RABL2A: variants seen among roughly 807,000 people sequenced by gnomAD.
The protein encoded by RABL2A is RAB, member of RAS oncogene family like 2A, also known as rab-like protein 2A.
Under a neutral mutation model 30.7 loss-of-function variants are expected in RABL2A, and 17 were observed. The ratio of observed to expected loss-of-function variants is 0.55; its 90% CI spans 0.38 to 0.83. RABL2A has a LOEUF of 0.83. Ranked by LOEUF, RABL2A falls within the 40% of genes least tolerant of loss-of-function variation. The pLI, the probability that RABL2A is intolerant of heterozygous loss-of-function variation, is 0.00. For missense variants in RABL2A, 155 were observed against 272.6 expected (o/e 0.57, Z 3.04); for synonymous variants, 64 against 101.8 (o/e 0.63, Z 2.24).
intron 2 of RABL2A, among the ~76,000 whole-genome samples, chr2:113,632,233 G>A (rs1680655684): frequency 6.6e-6 from 1 of 152,248 alleles, no homozygotes; most frequent in East Asian, 1.9e-4. Flanking sequence ...ATGGCCAGTG[G>A]CTAGAACAGA....
chr2:113,634,374 C>T (rs1224450284), intron 4 of RABL2A, 142 bp downstream of exon 4: 44 of 1,014,068 alleles, frequency 4.3e-5, no homozygotes, highest in Non-Finnish European at 6.2e-5. Context: ...CTAGAGAGAA[C>T]CCAGAGAGCC....
chr2:113,639,059 G>A (rs1684059673), intron 5 of RABL2A, among the ~76,000 whole-genome samples: 1 of 152,188 alleles, frequency 6.6e-6, no homozygotes, highest in Admixed American at 6.6e-5. Context: ...GAGGCAGGAG[G>A]ATCACTTGAG....
intron 3 of RABL2A, chr2:113,633,946 C>G: frequency 8.7e-7 from 1 of 1,147,812 alleles, no homozygotes; most frequent in Non-Finnish European, 1.2e-6. Flanking sequence ...ACACTCTCAT[C>G]TCCTCCCACC....
At position 113,635,103 on chromosome 2, in the gene RABL2A, C is replaced by T; in HGVS notation, c.270C>T (p.Tyr90=). Residue 90 remains tyrosine (Y), a synonymous_variant, in exon 5 of 9, where the codon TAC becomes TAT. Coordinates refer to ENST00000683472, the MANE Select transcript of RABL2A (RefSeq NM_001306158.2). ...QERFQSMHAS[Y]YHKAHACIMV... is the part of the protein sequence containing the mutation. ...GGTTCCAGAGCATGCATGCCTCCTACTACCACAAGGCCCATGCCTGCATCA... is the reference window on the plus strand; with the variant it reads ...GGTTCCAGAGCATGCATGCCTCCTATTACCACAAGGCCCATGCCTGCATCA... 1.2e-6 allele frequency: 2 copies of T among 1,614,212 alleles called. No individual in the cohort carries two copies. Among genetic ancestry groups the T allele is most frequent in the Middle Eastern group, 3.3e-4 (2 of 6,062 alleles).
rs1685551022 is a variant in RABL2A at position 113,642,524 on chromosome 2, G to A, written c.*395G>A. 1 of 285,306 alleles carries A rather than the reference G, an allele frequency of 3.5e-6. No individual in the cohort carries two copies. Among genetic ancestry groups the A allele is most frequent in the Non-Finnish European group, 6.8e-6 (1 of 147,762 alleles). The allele number at this position is 285,306 out of a possible 1,614,324, so 17.7% of individuals were successfully genotyped here. A position where few individuals can be genotyped will look rare whatever the true frequency, so the allele number is the denominator to read the frequency against. ...GCTCACCTCGGGGACAATTCCTTGG[G>A]CTTCTCCTGAGGTAATGATTACCCC... On this transcript the variant is annotated 3_prime_UTR_variant, in exon 9 of 9. Coordinates refer to ENST00000683472, the MANE Select transcript of RABL2A (RefSeq NM_001306158.2).
At chr2:113,641,569 G>A in intron 7 of RABL2A, 119 bp downstream of exon 7, 1 of 1,605,758 alleles carries the variant, frequency 6.2e-7, no homozygotes, top group East Asian at 2.2e-5. Context: ...CATGGGCCTG[G>A]GTGGCAGGGA....
chr2:113,641,297 C>A (rs1201754037), intron 6 of RABL2A, 56 bp from the exon 7 acceptor site: 9 of 1,611,726 alleles, frequency 5.6e-6, no homozygotes, highest in African/African-American at 5.3e-5. Flanking sequence ...AGTGGCCCCC[C>A]CTCCAAACCT....
rs1378310035 is a variant in RABL2A, at chr2:113,627,353, C to G, written c.-101C>G. The G allele has an allele frequency of 2.1e-5, 3 of 140,698 alleles. No homozygotes were observed. Among genetic ancestry groups the G allele is most frequent in the African/African-American group, 8.7e-5 (3 of 34,672 alleles). 8.7% of individuals were successfully genotyped at this position (140,698 alleles called of 1,614,324 possible). Reference sequence around the variant, plus strand: ...CAGACTGGCGGCAGGGCCCGAGGGGCCGACCCGCAGCGTCCCTGGTCTCTC... The same window carrying G: ...CAGACTGGCGGCAGGGCCCGAGGGGGCGACCCGCAGCGTCCCTGGTCTCTC... On this transcript the variant is annotated 5_prime_UTR_variant, in exon 1 of 9. Coordinates refer to ENST00000683472, the MANE Select transcript of RABL2A (RefSeq NM_001306158.2).
intron 2 of RABL2A, 99 bp downstream of exon 2, chr2:113,628,812 G>A: frequency 2.0e-6 from 2 of 979,158 alleles, no homozygotes; most frequent in Non-Finnish European, 3.1e-6. Context: ...CTTGGGGCTG[G>A]TGAAGGAGCA....
chr2:113,638,937 AAAGT>A (rs1326904330), intron 5 of RABL2A, among the ~76,000 whole-genome samples: 1 of 152,196 alleles, frequency 6.6e-6, no homozygotes, highest in Non-Finnish European at 1.5e-5. Context: ...AACAAATTAT[AAAGT>A]AATACAATTA....
intron 2 of RABL2A, among the ~76,000 whole-genome samples, chr2:113,629,015 G>T (rs1432477689): frequency 6.6e-6 from 1 of 151,244 alleles, no homozygotes; most frequent in Non-Finnish European, 1.5e-5. Context: ...GGCGGGGAGT[G>T]GGAATGGAAA....
At chr2:113,639,584 C>T (rs565807734) in intron 5 of RABL2A, among the ~76,000 whole-genome samples, 16 of 148,620 alleles carry the variant, frequency 1.1e-4, no homozygotes, top group East Asian at 4.0e-4. Context: ...GCCAAGATAG[C>T]GCCACTGCAC....
At chr2:113,638,665 C>T (rs925398921) in intron 5 of RABL2A, 10 of 567,790 alleles carry the variant, frequency 1.8e-5, no homozygotes, top group Non-Finnish European at 2.0e-5. Context: ...GTCAGGAGTT[C>T]GAGACCAGCC....
rs534681980 is a variant in RABL2A, at chr2:113,641,686, G to C, written c.508-95G>C. 3.7e-4 allele frequency: 228 copies of C among 611,854 alleles called. 1 individual carries two copies. The highest frequency in any genetic ancestry group is 3.3e-4 in the Non-Finnish European group (114 of 350,426). 37.9% of individuals were successfully genotyped at this position (611,854 alleles called of 1,614,324 possible). A position where few individuals can be genotyped will look rare whatever the true frequency, so the allele number is the denominator to read the frequency against. Reference sequence around the variant, plus strand: ...TGGAGGGGTAAGGTTGCTGATTTTAGGAATGGAGTATTGTGTAGTCTCACA... The same window carrying C: ...TGGAGGGGTAAGGTTGCTGATTTTACGAATGGAGTATTGTGTAGTCTCACA... On this transcript the variant is annotated intron_variant, in intron 7 of 8. Coordinates refer to ENST00000683472, the MANE Select transcript of RABL2A (RefSeq NM_001306158.2).
In RABL2A at chr2:113,637,453, G is replaced by GA. The variant is rs917478307; in HGVS notation, c.297+2324dup. 4 of 1,103,180 alleles carry GA rather than the reference G, an allele frequency of 3.6e-6. No homozygotes were observed. The African/African-American group carries it at 6.5e-5, about 18-fold the overall frequency. The allele number at this position is 1,103,180 out of a possible 1,614,324, so 68.3% of individuals were successfully genotyped here. ...GATGCTGGGAATGCCCAGGTGGAAA[G>GA]ACACACGTGCTGCCCCCAGGAACTG... is the stretch of plus-strand genomic sequence containing the variant. On this transcript the variant is annotated intron_variant, in intron 5 of 8. Transcript: ENST00000683472.
chr2:113,637,053 C>T (rs1683152416), intron 5 of RABL2A, among the ~76,000 whole-genome samples: 2 of 152,116 alleles, frequency 1.3e-5, no homozygotes, highest in African/African-American at 2.4e-5. Context: ...AGACACCCAC[C>T]TTTCTAGCCC....
At chr2:113,641,503 G>A (rs1275326206) in intron 7 of RABL2A, 53 bp downstream of exon 7, 1 of 1,611,658 alleles carries the variant, frequency 6.2e-7, no homozygotes, top group Non-Finnish European at 8.5e-7. Context: ...GGTGGTAAAG[G>A]GAAGCTGTGA....
chr2:113,637,111 G>A (rs1449037565), intron 5 of RABL2A, among the ~76,000 whole-genome samples: 1 of 152,150 alleles, frequency 6.6e-6, no homozygotes, highest in Non-Finnish European at 1.5e-5. Context: ...CCTTACCTTG[G>A]CACTGAGAGA....
intron 5 of RABL2A, chr2:113,640,030 G>C (rs1003669887): frequency 1.3e-5 from 2 of 151,800 alleles, no homozygotes; most frequent in East Asian, 3.9e-4. Context: ...TAATGCGTGC[G>C]TGCTACTTGG....
Sources: allele counts gnomAD v4.1 joint callset (sites outside exome capture counted in the v4.1 genomes callset), GRCh38; gene constraint gnomAD v4.1.1; transcripts MANE v1.5; gene names NCBI Gene and HGNC (gene_info 2026-07-23, HGNC 2026-07-21).